FANCC: variants seen among roughly 807,000 people sequenced by gnomAD.
The protein encoded by FANCC is Fanconi anemia group C protein.
In FANCC, 55 loss-of-function variants were observed where a neutral mutation model predicts 71.3. That is an observed-to-expected ratio of 0.77 (90% CI 0.62 to 0.97). FANCC has a LOEUF of 0.97. Among genes scored for constraint, FANCC ranks in the 50% least tolerant of loss-of-function variants. FANCC has a pLI of 0.00. For missense variants in FANCC, 678 were observed against 670.9 expected (o/e 1.01, Z -0.12); for synonymous variants, 275 against 244.9 (o/e 1.12, Z -1.15).
chr9:95,178,374 G>A (rs1328269467), intron 4 of FANCC, among the ~76,000 whole-genome samples: 1 of 152,242 alleles, frequency 6.6e-6, no homozygotes, highest in Non-Finnish European at 1.5e-5. Flanking sequence ...AAGGGGTGGT[G>A]GAGATCCAGG....
chr9:95,266,963 GA>G (rs1304971407), intron 1 of FANCC, among the ~76,000 whole-genome samples: 1 of 152,108 alleles, frequency 6.6e-6, no homozygotes, highest in Non-Finnish European at 1.5e-5. Context: ...ACAGCAATGA[GA>G]GGGGAAACAT....
At chr9:95,150,416 A>G (rs1364429111) in intron 6 of FANCC, among the ~76,000 whole-genome samples, 1 of 151,984 alleles carries the variant, frequency 6.6e-6, no homozygotes, top group Non-Finnish European at 1.5e-5. Flanking sequence ...TCAGGCCCAA[A>G]TCCTGATTCC....
At chr9:95,255,517 C>T (rs571636406) in intron 1 of FANCC, among the ~76,000 whole-genome samples, 8 of 152,224 alleles carry the variant, frequency 5.3e-5, no homozygotes, top group East Asian at 1.9e-4. Context: ...ACAAAAAGGA[C>T]GTCTACATAA....
intron 4 of FANCC, among the ~76,000 whole-genome samples, chr9:95,191,609 A>G (rs1358103369): frequency 6.6e-6 from 1 of 151,996 alleles, no homozygotes; most frequent in Non-Finnish European, 1.5e-5. Context: ...CAACTGTGCA[A>G]TTGGTATCTC....
intron 2 of FANCC, among the ~76,000 whole-genome samples, chr9:95,248,724 A>G (rs1490900822): frequency 6.6e-6 from 1 of 152,036 alleles, no homozygotes; most frequent in Non-Finnish European, 1.5e-5. Flanking sequence ...AAAAAGTATT[A>G]TAAGAAGAGA....
intron 1 of FANCC, among the ~76,000 whole-genome samples, chr9:95,271,563 T>C (rs1832718744): frequency 6.6e-6 from 1 of 152,206 alleles, no homozygotes; most frequent in Admixed American, 6.5e-5. Context: ...GTTTTCACAC[T>C]TTTGGCCTCC....
chr9:95,150,203 A>G, intron 6 of FANCC, 116 bp from the exon 7 acceptor site: 1 of 1,003,318 alleles, frequency 1.0e-6, no homozygotes, highest in Non-Finnish European at 1.5e-6. Context: ...GCCTCTAAAT[A>G]AAGAGAATGA....
At chr9:95,277,303 C>A (rs1833100357) in intron 1 of FANCC, among the ~76,000 whole-genome samples, 1 of 152,032 alleles carries the variant, frequency 6.6e-6, no homozygotes, top group Non-Finnish European at 1.5e-5. Flanking sequence ...CACCTTTTTT[C>A]CTAAATGGGA....
At position 95,267,240 on chromosome 9, in the gene FANCC, C is replaced by T. The variant is rs142906347; in HGVS notation, c.-78-17871G>A. Among the ~76,000 whole-genome samples, 230 of 152,232 alleles carry T rather than the reference C, an allele frequency of 1.5e-3. 1 individual carries two copies. Among genetic ancestry groups the T allele is most frequent in the Non-Finnish European group, 2.3e-3 (155 of 67,998 alleles). ...GTGGGATGGAAGGTGCTGACTAGAG[C>T]CCTACCCCTCCATGCCTGAAGGAAG... On this transcript the variant is annotated intron_variant, in intron 1 of 14. Transcript: ENST00000289081.
chr9:95,172,131 A>G lies in FANCC; in HGVS notation c.362T>C (p.Ile121Thr), dbSNP rs745921537. ...NSWIQGVLSH[I>T]LSALRFDKEV... Reference sequence around the variant, plus strand: ...TTTATCAAATCTGAGTGCTGAAAGTATATGAGATAATACACCCTAAAAAAC... The same window carrying G: ...TTTATCAAATCTGAGTGCTGAAAGTGTATGAGATAATACACCCTAAAAAAC... The change falls in exon 5 of 15, where the codon ATA becomes ACA. Residue 121 changes from isoleucine (I) to threonine (T), a missense_variant. Transcript: ENST00000289081. The G allele has an allele frequency of 1.2e-6, 2 of 1,608,830 alleles. No homozygotes were observed. The highest frequency in any genetic ancestry group is 1.7e-6 in the Non-Finnish European group (2 of 1,175,380).
chr9:95,299,421 G>A (rs557134329), intron 1 of FANCC, among the ~76,000 whole-genome samples: 2 of 152,282 alleles, frequency 1.3e-5, no homozygotes, highest in East Asian at 3.9e-4. Context: ...TAGTAAAAAG[G>A]TTCCAAATTC....
At chr9:95,308,696 A>C (rs1400733578) in intron 1 of FANCC, among the ~76,000 whole-genome samples, 1 of 152,222 alleles carries the variant, frequency 6.6e-6, no homozygotes, top group East Asian at 1.9e-4. Context: ...AAATTATTTT[A>C]AAACCAAAAA....
chr9:95,188,915 A>G (rs959229237), intron 4 of FANCC, among the ~76,000 whole-genome samples: 2 of 152,168 alleles, frequency 1.3e-5, no homozygotes, highest in Admixed American at 1.3e-4. Flanking sequence ...TTAATTAAAA[A>G]ATTACACATA....
At chr9:95,204,040 G>A (rs1234528385) in intron 4 of FANCC, among the ~76,000 whole-genome samples, 2 of 152,184 alleles carry the variant, frequency 1.3e-5, no homozygotes, top group Non-Finnish European at 2.9e-5. Context: ...GGACAGAGTG[G>A]AGGGGATAAC....
intron 4 of FANCC, among the ~76,000 whole-genome samples, chr9:95,224,910 T>A (rs1356575619): frequency 6.6e-6 from 1 of 152,170 alleles, no homozygotes; most frequent in African/African-American, 2.4e-5. Flanking sequence ...TAGAGTAAAG[T>A]ACTATTCAAA....
At chr9:95,108,172 A>T (rs971665081) in intron 13 of FANCC, among the ~76,000 whole-genome samples, 1 of 152,206 alleles carries the variant, frequency 6.6e-6, no homozygotes, top group Non-Finnish European at 1.5e-5. Flanking sequence ...GCCTCATTCA[A>T]TGAAGTCTGT....
chr9:95,236,120 T>C (rs1301688454), intron 4 of FANCC, among the ~76,000 whole-genome samples: 1 of 152,184 alleles, frequency 6.6e-6, no homozygotes, highest in African/African-American at 2.4e-5. Context: ...ATACAACACC[T>C]TTTGATCTCT....
At chr9:95,174,410 A>G (rs1825883382) in intron 4 of FANCC, among the ~76,000 whole-genome samples, 1 of 152,122 alleles carries the variant, frequency 6.6e-6, no homozygotes, top group Non-Finnish European at 1.5e-5. Flanking sequence ...AAGTTTCAAC[A>G]CATGAATTTT....
intron 7 of FANCC, among the ~76,000 whole-genome samples, chr9:95,138,161 C>T (rs570744644): frequency 3.3e-5 from 5 of 152,216 alleles, no homozygotes; most frequent in African/African-American, 1.2e-4. Flanking sequence ...AAGAGGCAGC[C>T]GAGGTCAGAG....
Sources: gnomAD v4.1 joint callset for allele counts (sites outside exome capture counted in the v4.1 genomes callset) on GRCh38, gnomAD v4.1.1 for gene constraint, MANE v1.5 for transcripts, NCBI Gene and HGNC (gene_info 2026-07-23, HGNC 2026-07-21) for gene names.